Variants in EHMT1 observed in about 807,000 individuals in gnomAD.
EHMT1 encodes the protein histone-lysine N-methyltransferase EHMT1.
In EHMT1, 15 loss-of-function variants were observed where a neutral mutation model predicts 147.2. The ratio of observed to expected loss-of-function variants is 0.10; its 90% CI spans 0.07 to 0.16. The LOEUF (loss-of-function observed/expected upper bound fraction) is 0.16. Ranked by LOEUF, EHMT1 falls within the 10% of genes least tolerant of loss-of-function variation. The probability of loss-of-function intolerance (pLI) is 1.00; values close to 1 mark genes in which losing one functional copy is unlikely to be tolerated. For missense variants in EHMT1, 1,587 were observed against 1,772.4 expected, an observed-to-expected ratio of 0.90 and a Z score of 1.88; for synonymous variants, 795 against 709.6, an observed-to-expected ratio of 1.12 and a Z score of -1.91.
In EHMT1 at chr9:137,787,725, C is replaced by T; in HGVS notation, c.2383-3123C>T. On this transcript the variant is annotated intron_variant, in intron 15 of 26. Coordinates refer to ENST00000460843, the MANE Select transcript of EHMT1 (RefSeq NM_024757.5). The surrounding 1 kb of genome is among the most constrained non-coding windows in gnomAD (Gnocchi z 4.2). Reference sequence around the variant, plus strand: ...CAGGGGCCGCCAGGTCCCCAGGGTGCCACCGAAACATCGTAGATGCTTTTG... The same window carrying T: ...CAGGGGCCGCCAGGTCCCCAGGGTGTCACCGAAACATCGTAGATGCTTTTG... The T allele has an allele frequency of 1.4e-6, 1 of 726,952 alleles. No individual in the cohort carries two copies. The highest frequency in any genetic ancestry group is 2.4e-6 in the Non-Finnish European group (1 of 410,802). The allele number at this position is 726,952 out of a possible 1,614,324, so 45.0% of individuals were successfully genotyped here.
chr9:137,681,394 T>G (rs1284660167), intron 1 of EHMT1, among the ~76,000 whole-genome samples: 1 of 152,208 alleles, frequency 6.6e-6, no homozygotes, highest in Non-Finnish European at 1.5e-5. Context: ...TCCCACAAAT[T>G]CTTTTGGCCT....
chr9:137,818,515 G>C (rs71512823), intron 25 of EHMT1, among the ~76,000 whole-genome samples: 10 of 150,854 alleles, frequency 6.6e-5, no homozygotes, highest in African/African-American at 2.2e-4. Flanking sequence ...AGAGGCTGAG[G>C]GGGGGCGCCA....
In EHMT1 at chr9:137,619,063, CCGGCGGGGGG is replaced by C; in HGVS notation, c.21+20_21+29del. On this transcript the variant is annotated intron_variant, in intron 1 of 26. Coordinates refer to ENST00000460843, the MANE Select transcript of EHMT1 (RefSeq NM_024757.5). ...GCCGATGCCGAGGTGAGCAGCGGGG[CCGGCGGGGGG>C]CGGCGCGGGGGCGGCGGGCAGCGGC... 1 of 906,008 alleles carries C rather than the reference CCGGCGGGGGG, an allele frequency of 1.1e-6. No individual in the cohort carries two copies. The highest frequency in any genetic ancestry group is 1.3e-6 in the Non-Finnish European group (1 of 760,090). The allele number at this position is 906,008 out of a possible 1,614,324, so 56.1% of individuals were successfully genotyped here.
At chr9:137,744,333 C>CT (rs988726301) in intron 6 of EHMT1, among the ~76,000 whole-genome samples, 39 of 146,568 alleles carry the variant, frequency 2.7e-4, no homozygotes, top group African/African-American at 8.5e-4. Flanking sequence ...TTCTTTCTTT[C>CT]TTTTTTTTGA....
At chr9:137,647,076 G>A (rs1564537286) in intron 1 of EHMT1, among the ~76,000 whole-genome samples, 1 of 152,284 alleles carries the variant, frequency 6.6e-6, no homozygotes, top group South Asian at 2.1e-4. Flanking sequence ...TCTCCGTTTG[G>A]CTTCTAGAAC....
chr9:137,742,954 G>GCCCTCCTCACCACAGCCCAC, intron 4 of EHMT1: 1 of 286,466 alleles, frequency 3.5e-6, no homozygotes. Flanking sequence ...CGTCCTCCCT[G>GCCCTCCTCACCACAGCCCAC]CTGCACATGC....
At chr9:137,796,154 ACGTGGC>A (rs1442478005) in intron 16 of EHMT1, among the ~76,000 whole-genome samples, 1 of 152,228 alleles carries the variant, frequency 6.6e-6, no homozygotes, top group Non-Finnish European at 1.5e-5. Flanking sequence ...GCGCGCTTGC[ACGTGGC>A]AAGCAGGTGA....
At chr9:137,687,549 C>A (rs577105550) in intron 1 of EHMT1, among the ~76,000 whole-genome samples, 1 of 152,210 alleles carries the variant, frequency 6.6e-6, no homozygotes, top group South Asian at 2.1e-4. Context: ...TGTGTTCCCC[C>A]CAAAACCAAG....
chr9:137,751,171 T>C (rs1948936219), intron 6 of EHMT1, among the ~76,000 whole-genome samples: 1 of 152,116 alleles, frequency 6.6e-6, no homozygotes. Context: ...TGGGTAAAAA[T>C]ATTGGGAACT....
intron 15 of EHMT1, chr9:137,785,679 T>G (rs1391072987): frequency 6.6e-6 from 1 of 152,230 alleles, no homozygotes; most frequent in Non-Finnish European, 1.5e-5. Flanking sequence ...ATATTAAAAT[T>G]AAAACCCAAA....
intron 16 of EHMT1, among the ~76,000 whole-genome samples, chr9:137,794,650 GAA>G (rs11302977): frequency 0.052 from 5,526 of 106,200 alleles, 315 homozygotes; most frequent in African/African-American, 0.17. Flanking sequence ...CCATCTCTAA[GAA>G]AAAAAAAAAA....
intron 1 of EHMT1, among the ~76,000 whole-genome samples, chr9:137,683,432 G>A (rs1279261083): frequency 6.6e-6 from 1 of 152,146 alleles, no homozygotes; most frequent in Non-Finnish European, 1.5e-5. Flanking sequence ...AACATTTAAC[G>A]ACTGTGTGAA....
chr9:137,631,145 G>A (rs561992688), intron 1 of EHMT1, among the ~76,000 whole-genome samples: 1 of 152,270 alleles, frequency 6.6e-6, no homozygotes, highest in African/African-American at 2.4e-5. Context: ...ACCACTTTGG[G>A]AGGCCGAGGC....
At chr9:137,637,206 A>G (rs1010498069) in intron 1 of EHMT1, among the ~76,000 whole-genome samples, 2 of 145,486 alleles carry the variant, frequency 1.4e-5, no homozygotes, top group Non-Finnish European at 1.5e-5. Flanking sequence ...CCAGAGTTTT[A>G]CTGTTGTTGC....
At chr9:137,791,668 G>A (rs1952534406) in intron 16 of EHMT1, among the ~76,000 whole-genome samples, 1 of 152,222 alleles carries the variant, frequency 6.6e-6, no homozygotes, top group Non-Finnish European at 1.5e-5. Context: ...AAGACTGAAT[G>A]TGGTTAAAAT....
intron 1 of EHMT1, chr9:137,665,827 G>A (rs1001823347): frequency 1.3e-5 from 2 of 152,224 alleles, no homozygotes; most frequent in East Asian, 1.9e-4. Flanking sequence ...AGCAGCTTCC[G>A]AGGAGGCCTG....
chr9:137,723,838 G>A (rs112974929), intron 3 of EHMT1, among the ~76,000 whole-genome samples: 7 of 152,184 alleles, frequency 4.6e-5, no homozygotes, highest in Non-Finnish European at 7.3e-5. Context: ...GTGTTGTCAC[G>A]GCTGCAGTCT....
intron 3 of EHMT1, among the ~76,000 whole-genome samples, chr9:137,723,557 G>C (rs1184650218): frequency 1.4e-5 from 2 of 147,398 alleles, no homozygotes; most frequent in Non-Finnish European, 3.0e-5. Flanking sequence ...CCCGGGGTGT[G>C]TCCGTGTCTG....
intron 24 of EHMT1, 185 bp from the exon 25 acceptor site, chr9:137,817,872 TATC>T (rs1291962723): frequency 1.2e-5 from 8 of 658,916 alleles, no homozygotes; most frequent in East Asian, 5.4e-5. Flanking sequence ...TCGGTATCGT[TATC>T]ATCATCCTCC....
Sources: gnomAD v4.1 joint callset for allele counts (sites outside exome capture counted in the v4.1 genomes callset) on GRCh38, gnomAD v4.1.1 for gene constraint, Gnocchi (gnomAD v3.1) non-coding constraint, MANE v1.5 for transcripts, NCBI Gene and HGNC (gene_info 2026-07-23, HGNC 2026-07-21) for gene names.